The following FOXN2 variants were observed in gnomAD, a reference collection of about 807,000 sequenced individuals.
The protein encoded by FOXN2 is forkhead box N2, also known as forkhead box protein N2.
A neutral mutation model predicts 41.2 loss-of-function variants in FOXN2; 19 were observed. That is an observed-to-expected ratio of 0.46 (90% CI 0.32 to 0.68). The LOEUF is 0.68. Among genes scored for constraint, FOXN2 ranks in the 30% least tolerant of loss-of-function variants. The probability of loss-of-function intolerance (pLI) is 0.03; values close to 1 mark genes in which losing one functional copy is unlikely to be tolerated. For missense variants in FOXN2, 587 were observed against 509.4 expected (o/e 1.15, Z -1.47); for synonymous variants, 195 against 176.8 (o/e 1.10, Z -0.82).
intron 4 of FOXN2, among the ~76,000 whole-genome samples, chr2:48,361,963 A>T (rs1046809994): frequency 6.6e-6 from 1 of 152,202 alleles, no homozygotes; most frequent in Admixed American, 6.5e-5. Context: ...TAAGAATCCA[A>T]TGCAAAACCA....
rs1673401015 is a variant in FOXN2, at chr2:48,378,804, T to C, written c.*3361T>C. 6.6e-6 allele frequency: 1 copy of C among 152,502 alleles called. No homozygotes were observed. Among genetic ancestry groups the C allele is most frequent in the Admixed American group, 6.6e-5 (1 of 15,254 alleles). 9.4% of individuals were successfully genotyped at this position (152,502 alleles called of 1,614,324 possible). A position where few individuals can be genotyped will look rare whatever the true frequency, so the allele number is the denominator to read the frequency against. Reference sequence around the variant, plus strand: ...AAAGGTGAATTCGAGTATTTTAATGTTATACCTGCCATTTTTTTTCTTAAA... The same window carrying C: ...AAAGGTGAATTCGAGTATTTTAATGCTATACCTGCCATTTTTTTTCTTAAA... On this transcript the variant is annotated 3_prime_UTR_variant, in exon 7 of 7. Coordinates refer to ENST00000340553, the MANE Select transcript of FOXN2 (RefSeq NM_002158.4).
At chr2:48,352,108 C>T (rs142533067) in intron 3 of FOXN2, among the ~76,000 whole-genome samples, 4 of 151,368 alleles carry the variant, frequency 2.6e-5, no homozygotes, top group African/African-American at 9.7e-5. Flanking sequence ...AGTTTTTAAG[C>T]CAGGAGCATG....
chr2:48,322,764 A>G (rs962924743), intron 1 of FOXN2, among the ~76,000 whole-genome samples: 2 of 148,554 alleles, frequency 1.3e-5, no homozygotes, highest in African/African-American at 2.4e-5. Context: ...TATTTGATAT[A>G]TATAATACAA....
intron 1 of FOXN2, among the ~76,000 whole-genome samples, chr2:48,325,713 TAGTC>T (rs1202838573): frequency 1.3e-5 from 2 of 152,176 alleles, no homozygotes; most frequent in Admixed American, 1.3e-4. Flanking sequence ...AGCTTTCAGT[TAGTC>T]AGGAAAGATA....
At chr2:48,361,324 G>C (rs1304908926) in intron 4 of FOXN2, among the ~76,000 whole-genome samples, 2 of 152,116 alleles carry the variant, frequency 1.3e-5, no homozygotes, top group East Asian at 3.9e-4. Flanking sequence ...AAGTCAGCTG[G>C]GTGTGGTGGC....
intron 2 of FOXN2, among the ~76,000 whole-genome samples, chr2:48,335,196 C>A (rs549168111): frequency 2.6e-5 from 4 of 151,994 alleles, no homozygotes; most frequent in African/African-American, 9.7e-5. Flanking sequence ...AAATAGAAAA[C>A]AAATACGTTT....
chr2:48,349,876 AG>A (rs1671345666), intron 3 of FOXN2, among the ~76,000 whole-genome samples: 1 of 152,278 alleles, frequency 6.6e-6, no homozygotes, highest in Admixed American at 6.5e-5. Context: ...TGTAAGAAAA[AG>A]AAGCCACCCA....
chr2:48,321,646 G>A (rs1283834807), intron 1 of FOXN2, among the ~76,000 whole-genome samples: 2 of 151,992 alleles, frequency 1.3e-5, no homozygotes, highest in South Asian at 2.1e-4. Flanking sequence ...TACATTTTAT[G>A]TGGTAAGGGT....
intron 1 of FOXN2, among the ~76,000 whole-genome samples, chr2:48,316,255 T>G (rs1249234802): frequency 6.6e-6 from 1 of 152,202 alleles, no homozygotes; most frequent in Non-Finnish European, 1.5e-5. Context: ...CTCTGCTGTT[T>G]TGTTGATCCA....
intron 5 of FOXN2, among the ~76,000 whole-genome samples, chr2:48,372,738 A>G (rs559570849): frequency 1.9e-4 from 29 of 152,204 alleles, no homozygotes; most frequent in Non-Finnish European, 8.8e-5. Context: ...GCTTGTGTAT[A>G]ATCATGACTA....
intron 3 of FOXN2, among the ~76,000 whole-genome samples, chr2:48,351,532 C>T (rs572052274): frequency 6.6e-6 from 1 of 152,176 alleles, no homozygotes; most frequent in South Asian, 2.1e-4. Context: ...GACAGTTTTT[C>T]TGCTACCTGA....
At chr2:48,373,199 T>G in intron 5 of FOXN2, 93 bp from the exon 6 acceptor site, 1 of 842,074 alleles carries the variant, frequency 1.2e-6, no homozygotes, top group African/African-American at 1.8e-5. Flanking sequence ...TACACCAAAA[T>G]TGTAACGCTG....
chr2:48,347,964 G>T (rs2104385490), intron 3 of FOXN2, among the ~76,000 whole-genome samples: 1 of 151,530 alleles, frequency 6.6e-6, no homozygotes, highest in Non-Finnish European at 1.5e-5. Flanking sequence ...TTTTTTAATT[G>T]CTGTCTTCAG....
At chr2:48,317,595 CTTTTTTTT>C (rs574980247) in intron 1 of FOXN2, among the ~76,000 whole-genome samples, 164 of 34,726 alleles carry the variant, frequency 4.7e-3, no homozygotes, top group African/African-American at 0.013. Flanking sequence ...TATAGTATTG[CTTTTTTTT>C]TTTTTTTTTT....
intron 2 of FOXN2, among the ~76,000 whole-genome samples, chr2:48,344,598 A>G (rs1670976050): frequency 6.6e-6 from 1 of 152,236 alleles, no homozygotes; most frequent in Admixed American, 6.5e-5. Flanking sequence ...TATCATATGT[A>G]AATTGTTTAG....
intron 5 of FOXN2, among the ~76,000 whole-genome samples, chr2:48,365,080 AGCCTGG>A (rs1245528988): frequency 2.0e-5 from 3 of 152,158 alleles, no homozygotes; most frequent in Non-Finnish European, 4.4e-5. Context: ...GTTGCTTTGG[AGCCTGG>A]AGACATTTTC....
chr2:48,325,920 C>T (rs1215143393), intron 1 of FOXN2, among the ~76,000 whole-genome samples: 2 of 143,228 alleles, frequency 1.4e-5, no homozygotes, highest in Non-Finnish European at 3.0e-5. Flanking sequence ...GCGATTTTGG[C>T]TCACTGCAAA....
intron 4 of FOXN2, among the ~76,000 whole-genome samples, chr2:48,359,937 T>C (rs1488179456): frequency 2.0e-5 from 3 of 152,146 alleles, no homozygotes; most frequent in Admixed American, 2.0e-4. Flanking sequence ...TAGGTTTCTT[T>C]TTCTGTTTTA....
chr2:48,315,291 G>A (rs562732599), intron 1 of FOXN2, among the ~76,000 whole-genome samples: 1 of 152,280 alleles, frequency 6.6e-6, no homozygotes, highest in African/African-American at 2.4e-5. Context: ...GACATGTCGG[G>A]CTCGGAGTCC....
Sources: gnomAD v4.1 joint callset for allele counts (sites outside exome capture counted in the v4.1 genomes callset) on GRCh38, gnomAD v4.1.1 for gene constraint, MANE v1.5 for transcripts, NCBI Gene and HGNC (gene_info 2026-07-23, HGNC 2026-07-21) for gene names.